GLIPR2: variants seen among roughly 807,000 people sequenced by gnomAD.
GLIPR2 encodes GLI pathogenesis related 2.
In GLIPR2, 21 loss-of-function variants were observed where a neutral mutation model predicts 20.4. The ratio of observed to expected loss-of-function variants is 1.03; its 90% CI spans 0.73 to 1.48. The LOEUF (loss-of-function observed/expected upper bound fraction) is 1.48. Among genes scored for constraint, GLIPR2 ranks in the 40% most tolerant of loss-of-function variants. The pLI is 0.00. For synonymous variants in GLIPR2, 91 were observed against 80.5 expected (o/e 1.13, Z -0.70); for missense variants, 205 against 200.1 (o/e 1.02, Z -0.15).
At position 36,136,792 on chromosome 9, in the gene GLIPR2, G is replaced by A; in HGVS notation, c.13+1G>A. On this transcript the variant is annotated splice_donor_variant, in intron 1 of 4. Transcript: ENST00000377960. LOFTEE classifies it high-confidence loss of function. The surrounding 1 kb of genome is among the most constrained non-coding windows in gnomAD (Gnocchi z 4.3). ...GCGGAGCCGGCCATGGGCAAGTCAG[G>A]TGAGCCCGCGGGCTCGCCCGCTGCG... is the stretch of plus-strand genomic sequence containing the variant. 1 of 1,302,418 alleles carries A rather than the reference G, an allele frequency of 7.7e-7. No homozygotes were observed. Among genetic ancestry groups the A allele is most frequent in the Non-Finnish European group, 9.7e-7 (1 of 1,028,348 alleles). 80.7% of individuals were successfully genotyped at this position (1,302,418 alleles called of 1,614,324 possible).
chr9:36,160,967 A>G (rs1294776505), intron 4 of GLIPR2, among the ~76,000 whole-genome samples: 1 of 151,990 alleles, frequency 6.6e-6, no homozygotes, highest in African/African-American at 2.4e-5. Context: ...CACTTAAACC[A>G]AGGAGGTGGA....
At chr9:36,162,329 CG>C in intron 4 of GLIPR2, 32 bp from the exon 5 acceptor site, 1 of 1,601,910 alleles carries the variant, frequency 6.2e-7, no homozygotes, top group Non-Finnish European at 8.5e-7. Flanking sequence ...CTAATTCAGC[CG>C]TGTCCCTCTC....
At chr9:36,148,409 G>A (rs1447390875) in intron 2 of GLIPR2, 138 bp from the exon 3 acceptor site, 13 of 618,176 alleles carry the variant, frequency 2.1e-5, no homozygotes, top group Admixed American at 2.0e-4. Flanking sequence ...CTGCTGGGAG[G>A]CTCAGAAATC....
At chr9:36,142,409 T>C (rs1825128893) in intron 1 of GLIPR2, among the ~76,000 whole-genome samples, 1 of 152,070 alleles carries the variant, frequency 6.6e-6, no homozygotes, top group African/African-American at 2.4e-5. Context: ...CAAGCCTCAG[T>C]TTCCTAATTC....
intron 3 of GLIPR2, among the ~76,000 whole-genome samples, chr9:36,149,430 A>T (rs1349435805): frequency 6.6e-6 from 1 of 152,126 alleles, no homozygotes; most frequent in African/African-American, 2.4e-5. Flanking sequence ...TGGCACCCCC[A>T]CTGGGAGGCA....
At chr9:36,153,225 G>A (rs750616066) in intron 4 of GLIPR2, among the ~76,000 whole-genome samples, 3 of 151,820 alleles carry the variant, frequency 2.0e-5, no homozygotes, top group South Asian at 2.1e-4. Flanking sequence ...CATGCCTTCC[G>A]TCCCTGATCT....
At chr9:36,141,307 C>T (rs189946809) in intron 1 of GLIPR2, among the ~76,000 whole-genome samples, 5 of 151,602 alleles carry the variant, frequency 3.3e-5, no homozygotes, top group Admixed American at 2.0e-4. Flanking sequence ...TTCCCGGATC[C>T]GGCTTAAAGA....
chr9:36,160,807 C>T (rs1017920276), intron 4 of GLIPR2, among the ~76,000 whole-genome samples: 17 of 152,064 alleles, frequency 1.1e-4, no homozygotes, highest in Admixed American at 5.9e-4. Context: ...TTTGGGAGGC[C>T]GAGGTGGGCA....
chr9:36,143,469 A>G lies in GLIPR2; in HGVS notation c.14-4317A>G, dbSNP rs546673806. ...AGACCCACCGTGGCCTGTCTGGGAC[A>G]TGGGAGCTAGAAGGGACTTTAGGAT... On this transcript the variant is annotated intron_variant, in intron 1 of 4. Coordinates refer to ENST00000377960, the MANE Select transcript of GLIPR2 (RefSeq NM_022343.4). Among the ~76,000 whole-genome samples, 5 of 152,242 alleles carry G rather than the reference A, an allele frequency of 3.3e-5. No homozygotes were observed. In the East Asian group the frequency reaches 7.7e-4, roughly 24 times the overall value.
intron 1 of GLIPR2, among the ~76,000 whole-genome samples, chr9:36,137,469 G>A (rs1263391908): frequency 6.6e-6 from 1 of 152,180 alleles, no homozygotes; most frequent in African/African-American, 2.4e-5. Flanking sequence ...AGAAGCTGGT[G>A]CACAGGTCCC....
chr9:36,153,620 G>C (rs572245347), intron 4 of GLIPR2, among the ~76,000 whole-genome samples: 2 of 152,024 alleles, frequency 1.3e-5, no homozygotes, highest in East Asian at 3.9e-4. Context: ...ATACCCTTTG[G>C]CCAGGTGCGG....
chr9:36,154,078 A>T (rs1044049486), intron 4 of GLIPR2, among the ~76,000 whole-genome samples: 1 of 135,058 alleles, frequency 7.4e-6, no homozygotes, highest in African/African-American at 2.9e-5. Flanking sequence ...ATTATATATT[A>T]TATATTATAT....
At chr9:36,150,111 A>C (rs937093710) in intron 3 of GLIPR2, among the ~76,000 whole-genome samples, 3 of 152,220 alleles carry the variant, frequency 2.0e-5, no homozygotes, top group African/African-American at 7.2e-5. Flanking sequence ...CTGAGGAAGG[A>C]CCCAGGCATT....
At chr9:36,150,781 T>C in intron 3 of GLIPR2, 91 bp from the exon 4 acceptor site, 1 of 874,380 alleles carries the variant, frequency 1.1e-6, no homozygotes, top group Non-Finnish European at 1.9e-6. Flanking sequence ...ATTGCCGCAT[T>C]GGTGGCTTGG....
At chr9:36,147,377 TCCAAAGTCC>T (rs1825372400) in intron 1 of GLIPR2, among the ~76,000 whole-genome samples, 1 of 152,160 alleles carries the variant, frequency 6.6e-6, no homozygotes, top group Non-Finnish European at 1.5e-5. Flanking sequence ...ATATTTTACT[TCCAAAGTCC>T]TATTGCTGAC....
chr9:36,150,893 G>A lies in GLIPR2; in HGVS notation c.248G>A (p.Trp83Ter), dbSNP rs1825556533. 6.2e-7 allele frequency: 1 copy of A among 1,613,384 alleles called. No individual in the cohort carries two copies. Among genetic ancestry groups the A allele is most frequent in the Admixed American group, 1.7e-5 (1 of 59,974 alleles). The change falls in exon 4 of 5, where the codon TGG (tryptophan) becomes TAG (stop). Residue 83 changes from tryptophan (W) to a stop codon, truncating the protein, a stop_gained. Coordinates refer to ENST00000377960, the MANE Select transcript of GLIPR2 (RefSeq NM_022343.4). LOFTEE classifies it high-confidence loss of function. ...ACAGGAAAGGAGGTGGCTGATAGATGGTACAGTGAAATCAAGAACTATAAC... is the reference window on the plus strand; with the variant it reads ...ACAGGAAAGGAGGTGGCTGATAGATAGTACAGTGAAATCAAGAACTATAAC... The part of the protein sequence containing the change: ...DQTGKEVADR[W>*]YSEIKNYNFQ...
chr9:36,148,201 T>C (rs1007223787), intron 2 of GLIPR2, among the ~76,000 whole-genome samples: 2 of 151,776 alleles, frequency 1.3e-5, no homozygotes, highest in African/African-American at 2.4e-5. Context: ...TGAACCAAGA[T>C]TGCGCCACTG....
chr9:36,138,752 G>A (rs1824940324), intron 1 of GLIPR2, among the ~76,000 whole-genome samples: 1 of 152,190 alleles, frequency 6.6e-6, no homozygotes, highest in South Asian at 2.1e-4. Context: ...TCTGGCTCGA[G>A]TAAGAGGTGG....
chr9:36,137,641 CG>C, intron 1 of GLIPR2, among the ~76,000 whole-genome samples: 1 of 152,192 alleles, frequency 6.6e-6, no homozygotes, highest in Non-Finnish European at 1.5e-5. Context: ...TGTAGTGGGC[CG>C]GGGACAAGAG....
Sources: gnomAD v4.1 joint callset for allele counts (sites outside exome capture counted in the v4.1 genomes callset) on GRCh38, gnomAD v4.1.1 for gene constraint, Gnocchi (gnomAD v3.1) non-coding constraint, MANE v1.5 for transcripts, NCBI Gene and HGNC (gene_info 2026-07-23, HGNC 2026-07-21) for gene names.